CCDC85A: variants seen among roughly 807,000 people sequenced by gnomAD.
The protein encoded by CCDC85A is coiled-coil domain containing 85A.
A neutral mutation model predicts 50.2 loss-of-function variants in CCDC85A; 38 were observed. The ratio of observed to expected loss-of-function variants is 0.76; its 90% CI spans 0.58 to 0.99. CCDC85A has a LOEUF of 0.99. CCDC85A is among the 50% of genes least tolerant of loss of function. The pLI is 0.00. For synonymous variants in CCDC85A, 366 were observed against 301.4 expected, an observed-to-expected ratio of 1.21 and a Z score of -2.22; for missense variants, 820 against 742.0, an observed-to-expected ratio of 1.11 and a Z score of -1.22.
At position 56,385,608 on chromosome 2, in the gene CCDC85A, A is replaced by G. The variant is rs896455572; in HGVS notation, c.*1253A>G. The G allele has an allele frequency of 1.3e-5, 2 of 152,184 alleles. No individual in the cohort carries two copies. The highest frequency in any genetic ancestry group is 4.8e-5 in the African/African-American group (2 of 41,394). 9.4% of individuals were successfully genotyped at this position (152,184 alleles called of 1,614,324 possible). On this transcript the variant is annotated 3_prime_UTR_variant, in exon 6 of 6. Coordinates refer to ENST00000407595, the MANE Select transcript of CCDC85A (RefSeq NM_001080433.2). ...AGATTATAAAAGTAGAAATGCAACAATTCCCAGTTTTTGGATAGGTTCTAA... is the reference window on the plus strand; with the variant it reads ...AGATTATAAAAGTAGAAATGCAACAGTTCCCAGTTTTTGGATAGGTTCTAA...
chr2:56,238,728 A>G (rs774681508), intron 2 of CCDC85A, among the ~76,000 whole-genome samples: 3 of 152,134 alleles, frequency 2.0e-5, no homozygotes, highest in African/African-American at 4.8e-5. Flanking sequence ...TCATTTTTCT[A>G]CTATAAGACC....
chr2:56,307,508 A>C (rs1672497789), intron 2 of CCDC85A, among the ~76,000 whole-genome samples: 1 of 152,058 alleles, frequency 6.6e-6, no homozygotes, highest in Admixed American at 6.6e-5. Flanking sequence ...TTTTTTGCAT[A>C]TTGAGTGACA....
At chr2:56,365,668 G>C (rs144906895) in intron 3 of CCDC85A, among the ~76,000 whole-genome samples, 92 of 152,244 alleles carry the variant, frequency 6.0e-4, no homozygotes, top group African/African-American at 1.8e-3. Context: ...CATCTTTACT[G>C]TGTACAACAT....
chr2:56,321,014 A>G (rs1673155407), intron 2 of CCDC85A, among the ~76,000 whole-genome samples: 1 of 152,204 alleles, frequency 6.6e-6, no homozygotes, highest in Admixed American at 6.5e-5. Flanking sequence ...GTAATCCATC[A>G]TATAAACAGA....
intron 2 of CCDC85A, among the ~76,000 whole-genome samples, chr2:56,233,160 C>A (rs1447402665): frequency 6.6e-6 from 1 of 152,192 alleles, no homozygotes; most frequent in Non-Finnish European, 1.5e-5. Flanking sequence ...AAAGCACCAG[C>A]CTCTCCAGCT....
chr2:56,322,257 C>A (rs1248060914), intron 2 of CCDC85A, among the ~76,000 whole-genome samples: 1 of 152,114 alleles, frequency 6.6e-6, no homozygotes, highest in African/African-American at 2.4e-5. Context: ...TCTAAAACAC[C>A]AAAAGCAATG....
intron 2 of CCDC85A, among the ~76,000 whole-genome samples, chr2:56,329,949 T>G (rs1192490453): frequency 4.2e-5 from 3 of 71,546 alleles, no homozygotes; most frequent in Non-Finnish European, 7.5e-5. Flanking sequence ...TTTCCTGTTT[T>G]TTTTTTTTTT....
At chr2:56,322,131 C>T (rs879759038) in intron 2 of CCDC85A, among the ~76,000 whole-genome samples, 1 of 152,074 alleles carries the variant, frequency 6.6e-6, no homozygotes, top group Non-Finnish European at 1.5e-5. Flanking sequence ...ACACCTTATA[C>T]AAAAATCAAT....
At chr2:56,284,060 T>C (rs768386084) in intron 2 of CCDC85A, among the ~76,000 whole-genome samples, 2 of 152,158 alleles carry the variant, frequency 1.3e-5, no homozygotes, top group Non-Finnish European at 2.9e-5. Flanking sequence ...AATTTTGATA[T>C]ACTGTATTTT....
rs377064629 is a variant in CCDC85A, at chr2:56,192,110, A to C, written c.277-367A>C. Among the ~76,000 whole-genome samples the C allele has an allele frequency of 1.2e-4, 18 of 152,300 alleles. No homozygotes were observed. In the South Asian group the frequency reaches 2.9e-3, roughly 25 times the overall value. Reference sequence around the variant, plus strand: ...CCTCTTCTGTATAAGAGCCATAATAATTATTATCCCCTAAATGTTTGGGTA... The same window carrying C: ...CCTCTTCTGTATAAGAGCCATAATACTTATTATCCCCTAAATGTTTGGGTA... On this transcript the variant is annotated intron_variant, in intron 1 of 5. Transcript: ENST00000407595. The surrounding 1 kb of genome is among the most constrained non-coding windows in gnomAD (Gnocchi z 4.7).
At chr2:56,360,722 A>G (rs951060484) in intron 3 of CCDC85A, among the ~76,000 whole-genome samples, 6 of 152,202 alleles carry the variant, frequency 3.9e-5, no homozygotes, top group Non-Finnish European at 7.3e-5. Context: ...AGTTTGTGAC[A>G]GTAGTTGTGG....
intron 2 of CCDC85A, among the ~76,000 whole-genome samples, chr2:56,267,009 G>A (rs1011506618): frequency 6.6e-6 from 1 of 152,076 alleles, no homozygotes; most frequent in African/African-American, 2.4e-5. Flanking sequence ...GTGTCCATGT[G>A]CTTAGGCAAA....
intron 2 of CCDC85A, among the ~76,000 whole-genome samples, chr2:56,328,166 TGAA>T (rs1438018761): frequency 6.6e-6 from 1 of 151,852 alleles, no homozygotes; most frequent in Non-Finnish European, 1.5e-5. Flanking sequence ...GGGTCCCAGA[TGAA>T]GAAGAATGAG....
At chr2:56,344,906 T>C (rs1030751172) in intron 3 of CCDC85A, among the ~76,000 whole-genome samples, 2 of 149,156 alleles carry the variant, frequency 1.3e-5, no homozygotes, top group Non-Finnish European at 3.0e-5. Flanking sequence ...AACAGCAAAC[T>C]AATAGCATGT....
Position 56,192,766 on chromosome 2 carries a change from G to C in CCDC85A, c.566G>C (p.Ser189Thr), listed in dbSNP as rs748842788. 1.2e-6 allele frequency: 2 copies of C among 1,612,830 alleles called. No individual in the cohort carries two copies. The highest frequency in any genetic ancestry group is 4.5e-5 in the East Asian group (2 of 44,850). The change falls in exon 2 of 6, where the codon AGC (serine) becomes ACC (threonine). Residue 189 changes from serine to threonine, a missense_variant. Coordinates refer to ENST00000407595, the MANE Select transcript of CCDC85A (RefSeq NM_001080433.2). The surrounding 1 kb of genome is among the most constrained non-coding windows in gnomAD (Gnocchi z 4.7). The stretch of plus-strand genomic sequence containing the variant: ...GCAGGCAGCCGCTGCTCCATCGACA[G>C]CCAGGCCAGCCTGTGCCAACTCACA... ...GCAGSRCSIDSQASLCQLTAS... is the reference protein window; with the variant it reads ...GCAGSRCSIDTQASLCQLTAS...
At position 56,210,221 on chromosome 2, in the gene CCDC85A, G is replaced by C. The variant is rs17047594; in HGVS notation, c.1240+16781G>C. ...ATGAGGAGTTGCAGCTGTGGTCCAA[G>C]GGCCAAATACCGTCACAGTCATGTT... On this transcript the variant is annotated intron_variant, in intron 2 of 5. Transcript: ENST00000407595. Among the ~76,000 whole-genome samples, 537 of 152,162 alleles carry C rather than the reference G, an allele frequency of 3.5e-3. 5 individuals are homozygous for C. The highest frequency in any genetic ancestry group is 0.012 in the African/African-American group (498 of 41,536).
At chr2:56,245,718 G>A (rs893784520) in intron 2 of CCDC85A, among the ~76,000 whole-genome samples, 5 of 152,074 alleles carry the variant, frequency 3.3e-5, no homozygotes, top group African/African-American at 1.2e-4. Flanking sequence ...CCAATGTGAT[G>A]GTATTAGGAG....
At chr2:56,223,754 A>G (rs943414961) in intron 2 of CCDC85A, among the ~76,000 whole-genome samples, 2 of 152,102 alleles carry the variant, frequency 1.3e-5, no homozygotes, top group African/African-American at 2.4e-5. Context: ...CTGACCATCA[A>G]TGTTTTTGCC....
intron 2 of CCDC85A, among the ~76,000 whole-genome samples, chr2:56,219,907 A>G (rs1668246771): frequency 6.6e-6 from 1 of 152,026 alleles, no homozygotes; most frequent in Non-Finnish European, 1.5e-5. Flanking sequence ...GAAACGACAG[A>G]GCCAGAAACA....
Sources: allele counts gnomAD v4.1 joint callset (sites outside exome capture counted in the v4.1 genomes callset), GRCh38; gene constraint gnomAD v4.1.1; non-coding constraint Gnocchi (gnomAD v3.1); transcripts MANE v1.5; gene names NCBI Gene and HGNC (gene_info 2026-07-23, HGNC 2026-07-21).